Variants in CSMD1 observed in about 807,000 individuals in gnomAD.
The protein encoded by CSMD1 is CUB and Sushi multiple domains 1, also known as CUB and sushi domain-containing protein 1.
CSMD1 carries 213 observed loss-of-function variants against 417.5 expected under a neutral mutation model. That is an observed-to-expected ratio of 0.51 (90% CI 0.46 to 0.57). The LOEUF (loss-of-function observed/expected upper bound fraction) is 0.57, where lower values mean the gene tolerates loss of function less well. Ranked by LOEUF, CSMD1 falls within the 20% of genes least tolerant of loss-of-function variation. The probability of loss-of-function intolerance (pLI) is 0.00; values close to 1 mark genes in which losing one functional copy is unlikely to be tolerated. For synonymous variants in CSMD1, 2,862 were observed against 1,736.8 expected (o/e 1.65, Z -16.11); for missense variants, 6,923 against 4,529.7 (o/e 1.53, Z -15.17).
intron 47 of CSMD1, 110 bp from the exon 48 acceptor site, chr8:3,091,772 A>G (rs1814967029): frequency 1.2e-6 from 1 of 855,598 alleles, no homozygotes; most frequent in Non-Finnish European, 1.7e-6. Flanking sequence ...ATACACAGAT[A>G]TAATTATTAC....
chr8:3,784,075 A>C (rs1799319543), intron 5 of CSMD1, among the ~76,000 whole-genome samples: 1 of 152,256 alleles, frequency 6.6e-6, no homozygotes, highest in African/African-American at 2.4e-5. Flanking sequence ...AAATTCATTT[A>C]AAATGCTTCG....
chr8:4,089,497 G>T (rs75524586), intron 3 of CSMD1, among the ~76,000 whole-genome samples: 11 of 152,072 alleles, frequency 7.2e-5, no homozygotes, highest in African/African-American at 2.4e-4. Flanking sequence ...ATAAAAAAGT[G>T]ACACATTCCA....
intron 1 of CSMD1, among the ~76,000 whole-genome samples, chr8:4,925,695 C>T (rs1340584586): frequency 6.6e-6 from 1 of 151,940 alleles, no homozygotes; most frequent in African/African-American, 2.4e-5. Context: ...TACAGGCGCC[C>T]GCCACCACGC....
chr8:4,787,892 T>A, intron 1 of CSMD1: 2 of 1,581,278 alleles, frequency 1.3e-6, no homozygotes, highest in Non-Finnish European at 1.7e-6. Context: ...AAGATTGAAT[T>A]TGGTGTTGAT....
At chr8:4,360,794 C>A (rs1458251364) in intron 3 of CSMD1, among the ~76,000 whole-genome samples, 1 of 151,470 alleles carries the variant, frequency 6.6e-6, no homozygotes, top group South Asian at 2.1e-4. Flanking sequence ...GCACCCGGCC[C>A]CTCGGGGTTC....
chr8:3,563,370 C>T (rs1050871591), intron 10 of CSMD1, among the ~76,000 whole-genome samples: 41 of 108,160 alleles, frequency 3.8e-4, no homozygotes, highest in African/African-American at 1.3e-3. Context: ...TATTTAAGTA[C>T]GACAAATACT....
chr8:3,720,620 T>TTCTCTCTCACAC (rs72331833), intron 6 of CSMD1, among the ~76,000 whole-genome samples: 1 of 143,322 alleles, frequency 7.0e-6, no homozygotes, highest in Non-Finnish European at 1.5e-5. Context: ...TCTTTATTCT[T>TTCTCTCTCACAC]ACACACACAC....
chr8:4,041,254 T>G (rs1179597203), intron 3 of CSMD1, among the ~76,000 whole-genome samples: 1 of 151,752 alleles, frequency 6.6e-6, no homozygotes, highest in Non-Finnish European at 1.5e-5. Context: ...CCTGACCTCG[T>G]GATCCGCCCG....
intron 5 of CSMD1, among the ~76,000 whole-genome samples, chr8:3,864,061 C>G (rs1424567614): frequency 6.6e-6 from 1 of 151,920 alleles, no homozygotes; most frequent in Admixed American, 6.6e-5. Context: ...GTGAAGATGG[C>G]CCAGATAATA....
At chr8:4,446,976 G>A (rs189440663) in intron 2 of CSMD1, among the ~76,000 whole-genome samples, 4 of 151,800 alleles carry the variant, frequency 2.6e-5, no homozygotes, top group African/African-American at 7.2e-5. Context: ...AACAGCAGGA[G>A]ATGACTGGGT....
At chr8:4,790,156 A>G (rs1585102100) in intron 1 of CSMD1, among the ~76,000 whole-genome samples, 1 of 152,206 alleles carries the variant, frequency 6.6e-6, no homozygotes, top group Non-Finnish European at 1.5e-5. Flanking sequence ...AGACAAATAC[A>G]TACAGTTCAA....
In CSMD1 at chr8:3,785,235, G is replaced by A. The variant is rs543144042; in HGVS notation, c.819-31193C>T. 5.8e-4 allele frequency among the ~76,000 whole-genome samples: 89 copies of A among 152,352 alleles called. No homozygotes were observed. In the South Asian group the frequency reaches 0.014, roughly 23 times the overall value. ...ATGAAGAATCAATCCATCACAGTTT[G>A]TGAAATGCTCAGAAGAGTGTCTGTT... On this transcript the variant is annotated intron_variant, in intron 5 of 69. Coordinates refer to ENST00000635120, the MANE Select transcript of CSMD1 (RefSeq NM_033225.6).
chr8:4,919,926 C>T (rs1806323705), intron 1 of CSMD1, among the ~76,000 whole-genome samples: 1 of 152,130 alleles, frequency 6.6e-6, no homozygotes, highest in African/African-American at 2.4e-5. Flanking sequence ...AGAGAACAGC[C>T]CTCAACAGAC....
chr8:4,852,660 T>A (rs1190680031), intron 1 of CSMD1, among the ~76,000 whole-genome samples: 1 of 151,998 alleles, frequency 6.6e-6, no homozygotes, highest in East Asian at 1.9e-4. Flanking sequence ...TGGGTAGAGA[T>A]TGGAAGAGTT....
chr8:3,608,082 G>A (rs1278847090), intron 8 of CSMD1, among the ~76,000 whole-genome samples: 1 of 150,146 alleles, frequency 6.7e-6, no homozygotes, highest in Non-Finnish European at 1.5e-5. Flanking sequence ...TGAGGCCGGA[G>A]AATTGTTTGA....
chr8:4,118,014 A>AAAAAG (rs1802259356), intron 3 of CSMD1, among the ~76,000 whole-genome samples: 1 of 152,098 alleles, frequency 6.6e-6, no homozygotes, highest in Non-Finnish European at 1.5e-5. Context: ...CATAGGTAAA[A>AAAAAG]AAAAGTTTTT....
intron 4 of CSMD1, among the ~76,000 whole-genome samples, chr8:4,026,276 T>G (rs895974370): frequency 1.3e-5 from 2 of 152,180 alleles, no homozygotes; most frequent in Non-Finnish European, 2.9e-5. Context: ...TGGAACGCAA[T>G]TTGAAGTCAT....
intron 26 of CSMD1, among the ~76,000 whole-genome samples, chr8:3,237,823 C>T (rs184656971): frequency 0.24 from 5,366 of 22,392 alleles, 1,288 homozygotes; most frequent in East Asian, 0.37. Context: ...ACTTATACTA[C>T]AAGTATAATT....
intron 41 of CSMD1, chr8:3,128,317 C>A (rs1317633622): frequency 6.6e-6 from 1 of 152,334 alleles, no homozygotes; most frequent in African/African-American, 2.4e-5. Context: ...TTTTTCAATT[C>A]TTGACTTAGA....
Sources: allele counts gnomAD v4.1 joint callset (sites outside exome capture counted in the v4.1 genomes callset), GRCh38; gene constraint gnomAD v4.1.1; transcripts MANE v1.5; gene names NCBI Gene and HGNC (gene_info 2026-07-23, HGNC 2026-07-21).